The following NALF1 variants were observed in gnomAD, a reference collection of about 807,000 sequenced individuals.
NALF1 encodes the protein family with sequence similarity 155 member A.
A neutral mutation model predicts 48.4 loss-of-function variants in NALF1; 3 were observed. The observed-to-expected ratio is 0.06, with a 90% CI of 0.03 to 0.16. The LOEUF (loss-of-function observed/expected upper bound fraction) is 0.16. Among genes scored for constraint, NALF1 ranks in the 10% least tolerant of loss-of-function variants. The pLI is 1.00. For synonymous variants in NALF1, 262 were observed against 245.7 expected (o/e 1.07, Z -0.62); for missense variants, 526 against 571.5 (o/e 0.92, Z 0.81).
chr13:107,779,044 G>T (rs951142737), intron 1 of NALF1, among the ~76,000 whole-genome samples: 1 of 152,174 alleles, frequency 6.6e-6, no homozygotes, highest in Non-Finnish European at 1.5e-5. Context: ...TATAGGTCGA[G>T]ATTTATGAGA....
chr13:107,322,445 A>G (rs10492718), intron 1 of NALF1, among the ~76,000 whole-genome samples: 10,348 of 152,234 alleles, frequency 0.068, 420 homozygotes, highest in Middle Eastern at 0.11. Flanking sequence ...CCAATCATTC[A>G]GTGCTAGAAA....
intron 1 of NALF1, among the ~76,000 whole-genome samples, chr13:107,808,366 T>C (rs890799532): frequency 6.6e-6 from 1 of 152,154 alleles, no homozygotes; most frequent in African/African-American, 2.4e-5. Flanking sequence ...ATGAAAGGAA[T>C]ATCTATCTTT....
intron 1 of NALF1, among the ~76,000 whole-genome samples, chr13:107,538,431 G>T (rs1465596013): frequency 6.6e-6 from 1 of 152,084 alleles, no homozygotes; most frequent in Non-Finnish European, 1.5e-5. Context: ...CATAGAAAAT[G>T]TTACTTTTCT....
chr13:107,515,351 T>C (rs763779238), intron 1 of NALF1, among the ~76,000 whole-genome samples: 29 of 152,170 alleles, frequency 1.9e-4, no homozygotes, highest in Non-Finnish European at 3.7e-4. Flanking sequence ...GCTGATAGTA[T>C]GTTGAGTATT....
intron 1 of NALF1, among the ~76,000 whole-genome samples, chr13:107,609,375 G>C (rs917311840): frequency 1.3e-5 from 2 of 152,164 alleles, no homozygotes; most frequent in African/African-American, 4.8e-5. Flanking sequence ...AACCAGTCCC[G>C]GGTGAGATCT....
At chr13:107,804,040 C>A (rs555752665) in intron 1 of NALF1, among the ~76,000 whole-genome samples, 10 of 152,284 alleles carry the variant, frequency 6.6e-5, no homozygotes, top group Non-Finnish European at 1.3e-4. Context: ...CCCACTCCCC[C>A]ACCCCAGTGT....
intron 1 of NALF1, among the ~76,000 whole-genome samples, chr13:107,609,231 C>T (rs1227037858): frequency 1.3e-5 from 2 of 152,192 alleles, no homozygotes; most frequent in Admixed American, 6.5e-5. Context: ...TTCTTCCTCC[C>T]CTCTCCCACA....
At chr13:107,207,163 C>T (rs977096737) in intron 2 of NALF1, among the ~76,000 whole-genome samples, 1 of 152,138 alleles carries the variant, frequency 6.6e-6, no homozygotes, top group Middle Eastern at 3.2e-3. Flanking sequence ...AACCTACTCT[C>T]ATTTTTTTAT....
intron 1 of NALF1, among the ~76,000 whole-genome samples, chr13:107,398,562 G>A (rs571473741): frequency 6.6e-6 from 1 of 152,236 alleles, no homozygotes; most frequent in East Asian, 1.9e-4. Context: ...AGTAGGTTTT[G>A]CTAGGTTGGA....
At chr13:107,480,080 G>A (rs1885231575) in intron 1 of NALF1, among the ~76,000 whole-genome samples, 5 of 152,116 alleles carry the variant, frequency 3.3e-5, no homozygotes, top group Admixed American at 3.3e-4. Flanking sequence ...ATACTAATCA[G>A]TAGAGGGGAT....
intron 1 of NALF1, among the ~76,000 whole-genome samples, chr13:107,688,983 C>T (rs1316817103): frequency 2.6e-5 from 4 of 152,084 alleles, no homozygotes; most frequent in East Asian, 1.9e-4. Flanking sequence ...TAAATGGTGT[C>T]GAAGGACAAA....
At chr13:107,482,269 C>T (rs1387728836) in intron 1 of NALF1, among the ~76,000 whole-genome samples, 1 of 152,042 alleles carries the variant, frequency 6.6e-6, no homozygotes, top group Non-Finnish European at 1.5e-5. Flanking sequence ...CCGTGGCCTC[C>T]CCTGCAGATT....
chr13:107,621,292 T>A (rs1052693628), intron 1 of NALF1, among the ~76,000 whole-genome samples: 3 of 152,198 alleles, frequency 2.0e-5, no homozygotes, highest in African/African-American at 7.2e-5. Flanking sequence ...TTTTCTAGTA[T>A]TAATATTACT....
intron 1 of NALF1, among the ~76,000 whole-genome samples, chr13:107,292,498 A>G (rs979876277): frequency 2.0e-5 from 3 of 148,602 alleles, no homozygotes; most frequent in South Asian, 4.2e-4. Flanking sequence ...TTTAATTTTT[A>G]AACTTTTTGT....
At chr13:107,339,126 T>A (rs539160266) in intron 1 of NALF1, among the ~76,000 whole-genome samples, 3 of 107,134 alleles carry the variant, frequency 2.8e-5, no homozygotes, top group Non-Finnish European at 5.8e-5. Flanking sequence ...AGAGGGAGAC[T>A]CTGTCTCAGA....
At chr13:107,373,531 G>A (rs1883282865) in intron 1 of NALF1, among the ~76,000 whole-genome samples, 1 of 152,092 alleles carries the variant, frequency 6.6e-6, no homozygotes, top group Non-Finnish European at 1.5e-5. Context: ...CAGATGCAAG[G>A]TGGAGCCCAA....
At chr13:107,673,561 G>A (rs1418565581) in intron 1 of NALF1, among the ~76,000 whole-genome samples, 1 of 152,194 alleles carries the variant, frequency 6.6e-6, no homozygotes, top group Non-Finnish European at 1.5e-5. Context: ...GATGGGAAGA[G>A]CTTTGTTAAA....
At chr13:107,198,822 G>T (rs548769162) in intron 2 of NALF1, among the ~76,000 whole-genome samples, 144 of 152,236 alleles carry the variant, frequency 9.5e-4, no homozygotes, top group African/African-American at 3.4e-3. Flanking sequence ...GCTTGTAGAC[G>T]ATCATCTTCT....
rs575002891 is a variant in NALF1 at position 107,292,033 on chromosome 13, T to C, written c.916-81278A>G. The stretch of plus-strand genomic sequence containing the variant: ...ATGGGGATATGTCCTGAAAAGCACA[T>C]TGTTGGGAATTCCATCACTGTGCAA... On this transcript the variant is annotated intron_variant, in intron 1 of 2. Transcript: ENST00000375915. 4.6e-5 allele frequency among the ~76,000 whole-genome samples: 7 copies of C among 152,296 alleles called. No homozygotes were observed. In the East Asian group the frequency reaches 1.4e-3, roughly 29 times the overall value.
Sources: gnomAD v4.1 joint callset for allele counts (sites outside exome capture counted in the v4.1 genomes callset) on GRCh38, gnomAD v4.1.1 for gene constraint, MANE v1.5 for transcripts, NCBI Gene and HGNC (gene_info 2026-07-23, HGNC 2026-07-21) for gene names.